The following NSUN5 variants were observed in gnomAD, a reference collection of about 807,000 sequenced individuals.
The protein encoded by NSUN5 is NOP2/Sun RNA methyltransferase 5.
In NSUN5, 39 loss-of-function variants were observed where a neutral mutation model predicts 51.1. That is an observed-to-expected ratio of 0.76 (90% confidence interval 0.59 to 1.00). The LOEUF is 1.00. Ranked by LOEUF, NSUN5 falls within the 50% of genes least tolerant of loss-of-function variation. NSUN5 has a pLI of 0.00. For missense variants in NSUN5, 526 were observed against 614.0 expected (o/e 0.86, Z 1.51); for synonymous variants, 266 against 271.5 (o/e 0.98, Z 0.20).
chr7:73,304,506 G>A, intron 6 of NSUN5, 98 bp from the exon 7 acceptor site: 1 of 1,227,008 alleles, frequency 8.1e-7, no homozygotes. Context: ...ACACAATATT[G>A]AAACGGCCTA....
At chr7:73,308,584 G>A (rs782109970) in intron 1 of NSUN5, 31 bp from the exon 2 acceptor site, 1 of 1,590,324 alleles carries the variant, frequency 6.3e-7, no homozygotes, top group South Asian at 1.1e-5. Flanking sequence ...AGCTGGGTGG[G>A]GGCTCCCCCG....
At position 73,308,515 on chromosome 7, in the gene NSUN5, C is replaced by T; in HGVS notation, c.132G>A (p.Gln44=). The change falls in exon 2 of 10, where the codon CAG becomes CAA. Residue 44 remains glutamine (Q), a synonymous_variant. Coordinates refer to ENST00000438747, the MANE Select transcript of NSUN5 (RefSeq NM_148956.4). ...KQLYALVCET[Q]RYSAVLDAVI... ...CAGCATCCAGCACGGCGGAGTAGCG[C>T]TGCGTTTCGCACACCAGCGCGTACA... 28 of 1,604,330 alleles carry T rather than the reference C, an allele frequency of 1.7e-5. No individual in the cohort carries two copies. The highest frequency in any genetic ancestry group is 2.4e-5 in the Non-Finnish European group (28 of 1,173,476).
chr7:73,303,774 GA>G (rs1803907431), intron 8 of NSUN5, 34 bp from the exon 9 acceptor site: 1 of 1,613,574 alleles, frequency 6.2e-7, no homozygotes, highest in African/African-American at 1.3e-5. Context: ...CTGGGTAAGA[GA>G]GCAGCTCACC....
chr7:73,308,138 A>G (rs1554542221), intron 2 of NSUN5: 2 of 461,288 alleles, frequency 4.3e-6, no homozygotes, highest in Admixed American at 7.5e-5. Flanking sequence ...GGCTCAAGTG[A>G]TCCTCCTCCC....
In NSUN5 at chr7:73,303,373, A is replaced by G. The variant is rs1393340281; in HGVS notation, c.*42T>C. ...AGGGTCCTCCACGGAGAGGACAGGC[A>G]TCTTCCTTTCCCACCAGGAAGGAGT... On this transcript the variant is annotated 3_prime_UTR_variant, in exon 10 of 10. Coordinates refer to ENST00000438747, the MANE Select transcript of NSUN5 (RefSeq NM_148956.4). 3.1e-6 allele frequency: 5 copies of G among 1,613,920 alleles called. No homozygotes were observed. In the East Asian group the frequency reaches 1.1e-4, roughly 36 times the overall value.
In NSUN5 at chr7:73,303,288, G is replaced by A; in HGVS notation, c.*127C>T. On this transcript the variant is annotated 3_prime_UTR_variant, in exon 10 of 10. Transcript: ENST00000438747. ...CACTTTGCTCACCAGCAAGAACACA[G>A]CCCAAGGAAGGGACCCAATAACCTT... 1 of 1,613,164 alleles carries A rather than the reference G, an allele frequency of 6.2e-7. No individual in the cohort carries two copies. Among genetic ancestry groups the A allele is most frequent in the Non-Finnish European group, 8.5e-7 (1 of 1,179,296 alleles).
chr7:73,308,305 G>A, intron 2 of NSUN5, 126 bp downstream of exon 2: 1 of 1,204,290 alleles, frequency 8.3e-7, no homozygotes, highest in East Asian at 2.5e-5. Context: ...CCCAGGGAAG[G>A]TCGGCTCATA....
In NSUN5 at chr7:73,308,451, GCTT is replaced by G. The variant is rs782423593; in HGVS notation, c.193_195del (p.Lys65del). 1.2e-4 allele frequency: 191 copies of G among 1,604,336 alleles called. No homozygotes were observed. The highest frequency in any genetic ancestry group is 9.0e-4 in the East Asian group (40 of 44,666). On this transcript the variant is annotated inframe_deletion, in exon 2 of 10. Coordinates refer to ENST00000438747, the MANE Select transcript of NSUN5 (RefSeq NM_148956.4). ...CTCACCTTGGCCAGGTGCGGCCGCAGCTTCTTCTCCGCACGGAGGAGGCCGGCG... is the reference window on the plus strand; with the variant it reads ...CTCACCTTGGCCAGGTGCGGCCGCAGCTTCTCCGCACGGAGGAGGCCGGCG...
At chr7:73,305,146 G>T (rs1258796710) in intron 4 of NSUN5, 49 bp from the exon 5 acceptor site, 1 of 1,599,342 alleles carries the variant, frequency 6.3e-7, no homozygotes, top group Non-Finnish European at 8.5e-7. Context: ...TCCCTGCCAG[G>T]CCCCATTTCA....
Position 73,303,585 on chromosome 7 carries a change from C to T in NSUN5, c.1286+15G>A, listed in dbSNP as rs1327475310. 1.9e-6 allele frequency: 3 copies of T among 1,614,208 alleles called. No individual in the cohort carries two copies. The highest frequency in any genetic ancestry group is 2.5e-6 in the Non-Finnish European group (3 of 1,180,042). On this transcript the variant is annotated intron_variant, in intron 9 of 9. Transcript: ENST00000438747. ...TGCCATCCTGCGCCTCCCAAGCACG[C>T]CCCCACTCACTCACCTTGGCACCTC...
At chr7:73,304,664 A>C in intron 6 of NSUN5, 83 bp downstream of exon 6, 1 of 1,219,500 alleles carries the variant, frequency 8.2e-7, no homozygotes, top group Admixed American at 1.7e-5. Context: ...GACTTAAGCG[A>C]AAGTCATCCT....
rs1563288069 is a variant in NSUN5, at chr7:73,303,637, A to G, written c.1249T>C (p.Phe417Leu). The G allele has an allele frequency of 6.2e-7, 1 of 1,614,174 alleles. No homozygotes were observed. The highest frequency in any genetic ancestry group is 2.2e-5 in the East Asian group (1 of 44,872). ...ACCCGTTCAATTACAGCAACGAAGA[A>G]GCCACTGCTGAGTGTGGTCTCAGGG... ...ASPETTLSSG[F>L]FVAVIERVEV... is the part of the protein sequence containing the mutation. The change falls in exon 9 of 10, where the codon TTC (phenylalanine) becomes CTC (leucine). Residue 417 changes from phenylalanine to leucine, a missense_variant. Physicochemically the swap from Phe to Leu is conservative, Grantham distance 22. Coordinates refer to ENST00000438747, the MANE Select transcript of NSUN5 (RefSeq NM_148956.4).
intron 4 of NSUN5, among the ~76,000 whole-genome samples, chr7:73,307,050 G>A (rs1241868555): frequency 2.6e-5 from 4 of 151,928 alleles, no homozygotes; most frequent in Non-Finnish European, 5.9e-5. Flanking sequence ...AGTCTGAGAG[G>A]AAAGATGACA....
In NSUN5 at chr7:73,308,811, C is replaced by G. The variant is rs1379854010; in HGVS notation, c.-21G>C. ...CCCATGTTCCCGCGCGCCTTTACGG[C>G]TCTGTGGCAAAACGCACCCGGCTCG... On this transcript the variant is annotated 5_prime_UTR_variant, in exon 1 of 10. Transcript: ENST00000438747. 6.2e-7 allele frequency: 1 copy of G among 1,608,092 alleles called. No individual in the cohort carries two copies. Among genetic ancestry groups the G allele is most frequent in the East Asian group, 2.2e-5 (1 of 44,714 alleles).
At chr7:73,304,122 C>A in intron 7 of NSUN5, 86 bp from the exon 8 acceptor site, 1 of 1,571,456 alleles carries the variant, frequency 6.4e-7, no homozygotes, top group Non-Finnish European at 8.7e-7. Context: ...ACTTTTGTCC[C>A]AGGGTCCCAA....
In NSUN5 at chr7:73,304,835, C is replaced by T; in HGVS notation, c.667G>A (p.Asp223Asn). The T allele has an allele frequency of 6.2e-7, 1 of 1,613,876 alleles. No individual in the cohort carries two copies. The highest frequency in any genetic ancestry group is 8.5e-7 in the Non-Finnish European group (1 of 1,179,856). ...ATGACATGGGAGCCTGGCGGGGGGT[C>T]CAGCAGCATGGCTGGGAGACAGCTG... ...RASCLPAMLLDPPPGSHVIDA... is the reference protein window; with the variant it reads ...RASCLPAMLLNPPPGSHVIDA... Residue 223 changes from aspartate (D) to asparagine (N), a missense_variant, in exon 6 of 10, where the codon GAC becomes AAC. Physicochemically the swap from Asp to Asn is conservative, Grantham distance 23. Coordinates refer to ENST00000438747, the MANE Select transcript of NSUN5 (RefSeq NM_148956.4).
At chr7:73,308,162 T>A (rs1804123111) in intron 2 of NSUN5, 1 of 478,424 alleles carries the variant, frequency 2.1e-6, no homozygotes, top group Non-Finnish European at 3.7e-6. Flanking sequence ...GCCTCCCGAG[T>A]AGCTGGGACC....
chr7:73,308,414 C>A lies in NSUN5; in HGVS notation c.216+17G>T. 2 of 1,579,884 alleles carry A rather than the reference C, an allele frequency of 1.3e-6. No homozygotes were observed. Among genetic ancestry groups the A allele is most frequent in the East Asian group, 2.3e-5 (1 of 44,306 alleles). ...TGACCGTCGGGGTTCACTTCCCCGTCCCTCCCCTCCCCTCACCTTGGCCAG... is the reference window on the plus strand; with the variant it reads ...TGACCGTCGGGGTTCACTTCCCCGTACCTCCCCTCCCCTCACCTTGGCCAG... On this transcript the variant is annotated intron_variant, in intron 2 of 9. Transcript: ENST00000438747.
intron 5 of NSUN5, 33 bp downstream of exon 5, chr7:73,304,926 C>A: frequency 6.2e-7 from 1 of 1,612,260 alleles, no homozygotes; most frequent in South Asian, 1.1e-5. Context: ...CCCGTGCCTA[C>A]ACATTCTTCC....
Sources: allele counts gnomAD v4.1 joint callset (sites outside exome capture counted in the v4.1 genomes callset), GRCh38; gene constraint gnomAD v4.1.1; transcripts MANE v1.5; gene names NCBI Gene and HGNC (gene_info 2026-07-23, HGNC 2026-07-21).